GNRHR: variants seen among roughly 807,000 people sequenced by gnomAD.
The protein encoded by GNRHR is gonadotropin releasing hormone receptor, also known as gonadotropin-releasing hormone receptor.
A neutral mutation model predicts 28.1 loss-of-function variants in GNRHR; 14 were observed. The observed-to-expected ratio is 0.50, with a 90% CI of 0.33 to 0.78. The LOEUF (loss-of-function observed/expected upper bound fraction) is 0.78. Ranked by LOEUF, GNRHR falls within the 30% of genes least tolerant of loss-of-function variation. GNRHR has a pLI of 0.02. For synonymous variants in GNRHR, 141 were observed against 140.5 expected, an observed-to-expected ratio of 1.00 and a Z score of -0.02; for missense variants, 366 against 382.1, an observed-to-expected ratio of 0.96 and a Z score of 0.35.
intron 1 of GNRHR, among the ~76,000 whole-genome samples, chr4:67,752,266 G>A (rs2627263): frequency 1.3e-5 from 2 of 150,636 alleles, no homozygotes; most frequent in South Asian, 4.2e-4. Context: ...CAGTGCAGTT[G>A]CAGTGATGCA....
At position 67,744,700 on chromosome 4, in the gene GNRHR, G is replaced by A; in HGVS notation, c.610C>T (p.Gln204Ter). 6.2e-7 allele frequency: 1 copy of A among 1,611,448 alleles called. No homozygotes were observed. Residue 204 changes from glutamine (Q) to a stop codon, truncating the protein, a stop_gained, in exon 2 of 3, where the codon CAA becomes TAA. Transcript: ENST00000226413. LOFTEE classifies it high-confidence loss of function. ...SQCVTHCSFS[Q>*]WWHQAFYNFF... ...TTATAAAATGCTTGATGCCACCATT[G>A]TGAAAAACTGCAGTGTGTTACACAT...
Position 67,743,533 on chromosome 4 carries a change from T to C in GNRHR, c.742+1035A>G, listed in dbSNP as rs545471506. ...CCACCTAGCACAGTTTCCAGCAACA[T>C]TGAGTAGTCAGTATGTATTAATCAA... On this transcript the variant is annotated intron_variant, in intron 2 of 2. Transcript: ENST00000226413. Among the ~76,000 whole-genome samples the C allele has an allele frequency of 8.5e-5, 13 of 152,334 alleles. No homozygotes were observed. In the East Asian group the frequency reaches 2.5e-3, roughly 29 times the overall value.
At chr4:67,753,597 C>T in intron 1 of GNRHR, 1 of 586,052 alleles carries the variant, frequency 1.7e-6, no homozygotes, top group Non-Finnish European at 3.0e-6. Flanking sequence ...GCATTAACCC[C>T]CATGTTACAT....
At position 67,754,371 on chromosome 4, in the gene GNRHR, T is replaced by C; in HGVS notation, c.-36A>G. 1 of 1,534,726 alleles carries C rather than the reference T, an allele frequency of 6.5e-7. No homozygotes were observed. The highest frequency in any genetic ancestry group is 9.0e-7 in the Non-Finnish European group (1 of 1,115,198). On this transcript the variant is annotated 5_prime_UTR_variant, in exon 1 of 3. Transcript: ENST00000226413. ...GACAGAGCTTCAAGCCTTGTGTCTC[T>C]GGTGCATCTGATATTTTATTGTAAC...
chr4:67,746,622 G>A (rs974807175), intron 1 of GNRHR, among the ~76,000 whole-genome samples: 3 of 151,774 alleles, frequency 2.0e-5, no homozygotes, highest in African/African-American at 7.3e-5. Context: ...GCAAATGAGG[G>A]ATTCCATTTT....
chr4:67,746,944 C>CA (rs1328614024), intron 1 of GNRHR, among the ~76,000 whole-genome samples: 1 of 152,046 alleles, frequency 6.6e-6, no homozygotes, highest in African/African-American at 2.4e-5. Flanking sequence ...CCAACAAGTG[C>CA]ATTCAGCTAA....
chr4:67,753,194 A>G (rs1731902451), intron 1 of GNRHR, among the ~76,000 whole-genome samples: 1 of 152,188 alleles, frequency 6.6e-6, no homozygotes, highest in Non-Finnish European at 1.5e-5. Flanking sequence ...AGCTAACTTT[A>G]GGGAAATATT....
intron 1 of GNRHR, among the ~76,000 whole-genome samples, chr4:67,749,514 G>A (rs1377837311): frequency 3.9e-5 from 6 of 152,034 alleles, no homozygotes. Context: ...ATCTAATTTA[G>A]GAAATGTCTT....
intron 1 of GNRHR, among the ~76,000 whole-genome samples, chr4:67,751,383 G>T (rs759395169): frequency 6.6e-6 from 1 of 152,166 alleles, no homozygotes; most frequent in Non-Finnish European, 1.5e-5. Flanking sequence ...CATTACTTAT[G>T]TGAGGTTATT....
In GNRHR at chr4:67,745,034, C is replaced by A. The variant is rs556552362; in HGVS notation, c.523-247G>T. On this transcript the variant is annotated intron_variant, in intron 1 of 2. Transcript: ENST00000226413. ...ATTTCAACCTTGAAGAATAATCATC[C>A]CTCAAGGATTTAAACGTTGTTTGTA... Among the ~76,000 whole-genome samples, 4 of 152,100 alleles carry A rather than the reference C, an allele frequency of 2.6e-5. No homozygotes were observed. In the East Asian group the frequency reaches 7.7e-4, roughly 29 times the overall value.
At chr4:67,752,442 C>G (rs546809214) in intron 1 of GNRHR, among the ~76,000 whole-genome samples, 1 of 151,802 alleles carries the variant, frequency 6.6e-6, no homozygotes, top group African/African-American at 2.4e-5. Context: ...AGTCTGGTCT[C>G]GAACTCCTGG....
intron 2 of GNRHR, 31 bp downstream of exon 2, chr4:67,744,537 A>G: frequency 7.6e-7 from 1 of 1,319,620 alleles, no homozygotes; most frequent in Non-Finnish European, 1.1e-6. Context: ...AAAACTGCCC[A>G]CAAATGACAC....
rs1203267633 is a variant in GNRHR at position 67,737,974 on chromosome 4, T to A, written c.*2506A>T. ...ATCTTTAATTTCAAAGCCATATTTA[T>A]CTTTTGTGCCATAAATTTTAGTTTA... On this transcript the variant is annotated 3_prime_UTR_variant, in exon 3 of 3. Transcript: ENST00000226413. 6.6e-6 allele frequency among the ~76,000 whole-genome samples: 1 copy of A among 151,806 alleles called. No individual in the cohort carries two copies. The highest frequency in any genetic ancestry group is 2.4e-5 in the African/African-American group (1 of 41,514).
rs1020731928 is a variant in GNRHR, at chr4:67,737,479, T to C, written c.*3001A>G. On this transcript the variant is annotated 3_prime_UTR_variant, in exon 3 of 3. Transcript: ENST00000226413. ...GTAGGAAAGTGGACCACAGGTAAAATAGATGGAGTTCTAGAAGTATTTTAA... is the reference window on the plus strand; with the variant it reads ...GTAGGAAAGTGGACCACAGGTAAAACAGATGGAGTTCTAGAAGTATTTTAA... Among the ~76,000 whole-genome samples the C allele has an allele frequency of 2.0e-5, 3 of 151,938 alleles. No homozygotes were observed. Among genetic ancestry groups the C allele is most frequent in the Admixed American group, 6.6e-5 (1 of 15,218 alleles).
intron 1 of GNRHR, chr4:67,753,584 TA>T (rs754598375): frequency 3.5e-6 from 2 of 563,636 alleles, no homozygotes; most frequent in Non-Finnish European, 6.3e-6. Context: ...CAGTATTAAG[TA>T]AGCATTAACC....
chr4:67,750,653 G>A (rs993355511), intron 1 of GNRHR, among the ~76,000 whole-genome samples: 1 of 151,958 alleles, frequency 6.6e-6, no homozygotes, highest in Admixed American at 6.6e-5. Context: ...GAGGCAAAAT[G>A]TCATAAATTC....
In GNRHR at chr4:67,743,159, T is replaced by G. The variant is rs1731691998; in HGVS notation, c.742+1409A>C. 2.0e-5 allele frequency among the ~76,000 whole-genome samples: 3 copies of G among 152,188 alleles called. No individual in the cohort carries two copies. In the South Asian group the frequency reaches 6.2e-4, roughly 32 times the overall value. On this transcript the variant is annotated intron_variant, in intron 2 of 2. Coordinates refer to ENST00000226413, the MANE Select transcript of GNRHR (RefSeq NM_000406.3). ...GTAGAGACAGGTTTCATCGTCTTGGTCAGGCTGGCCTCGAACTCCTGACTG... is the reference window on the plus strand; with the variant it reads ...GTAGAGACAGGTTTCATCGTCTTGGGCAGGCTGGCCTCGAACTCCTGACTG...
chr4:67,741,071 T>C (rs975358783), intron 2 of GNRHR, among the ~76,000 whole-genome samples: 36 of 151,994 alleles, frequency 2.4e-4, no homozygotes, highest in Non-Finnish European at 4.7e-4. Context: ...TTTTAATAGG[T>C]TTTTTTGGGG....
intron 2 of GNRHR, among the ~76,000 whole-genome samples, chr4:67,743,009 A>G (rs920425425): frequency 1.3e-5 from 2 of 151,602 alleles, no homozygotes; most frequent in African/African-American, 2.4e-5. Flanking sequence ...CTGGAGTGCA[A>G]TGGTACAATC....
Sources: allele counts gnomAD v4.1 joint callset (sites outside exome capture counted in the v4.1 genomes callset), GRCh38; gene constraint gnomAD v4.1.1; transcripts MANE v1.5; gene names NCBI Gene and HGNC (gene_info 2026-07-23, HGNC 2026-07-21).